The following ZNF787 variants were observed in gnomAD, a reference collection of about 807,000 sequenced individuals.
ZNF787 encodes zinc finger protein 787.
In ZNF787, 7 loss-of-function variants were observed where a neutral mutation model predicts 16.9. That is an observed-to-expected ratio of 0.42 (90% confidence interval 0.24 to 0.78). The LOEUF is 0.78. Among genes scored for constraint, ZNF787 ranks in the 30% least tolerant of loss-of-function variants. The pLI is 0.30. For synonymous variants in ZNF787, 345 were observed against 270.9 expected (o/e 1.27, Z -2.69); for missense variants, 551 against 589.3 (o/e 0.94, Z 0.67).
At chr19:56,099,084 A>G (rs1288003354) in intron 2 of ZNF787, among the ~76,000 whole-genome samples, 1 of 152,108 alleles carries the variant, frequency 6.6e-6, no homozygotes, top group African/African-American at 2.4e-5. Flanking sequence ...GCTGCCCGAG[A>G]ACATATCAAG....
At chr19:56,097,501 C>T (rs1985914803) in intron 2 of ZNF787, among the ~76,000 whole-genome samples, 3 of 152,254 alleles carry the variant, frequency 2.0e-5, no homozygotes, top group Admixed American at 1.3e-4. Flanking sequence ...CTGCGGGCCT[C>T]AGCCCGGCAG....
At chr19:56,101,061 G>T (rs562471221) in intron 2 of ZNF787, among the ~76,000 whole-genome samples, 1 of 134,352 alleles carries the variant, frequency 7.4e-6, no homozygotes, top group African/African-American at 2.9e-5. Flanking sequence ...AGGGACGCAC[G>T]TAAGTGGGAC....
chr19:56,102,828 G>A, intron 2 of ZNF787: 1 of 692,430 alleles, frequency 1.4e-6, no homozygotes. Context: ...GGAGAGGAAG[G>A]GGGCACCCTC....
intron 1 of ZNF787, among the ~76,000 whole-genome samples, chr19:56,120,348 G>A (rs1456355736): frequency 1.3e-5 from 2 of 152,184 alleles, no homozygotes; most frequent in Non-Finnish European, 1.5e-5. Context: ...GGGGTGTCAG[G>A]AGGGCGGGGC....
chr19:56,118,452 G>C (rs751292078), intron 1 of ZNF787, among the ~76,000 whole-genome samples: 2 of 152,216 alleles, frequency 1.3e-5, no homozygotes, highest in African/African-American at 2.4e-5. Context: ...GGGCGGAAGG[G>C]GGCGGTTGTG....
At chr19:56,097,586 G>A (rs551869547) in intron 2 of ZNF787, among the ~76,000 whole-genome samples, 7 of 152,362 alleles carry the variant, frequency 4.6e-5, no homozygotes, top group Admixed American at 3.3e-4. Context: ...GGAAACACCC[G>A]CACGTGCTGC....
rs367690218 is a variant in ZNF787 at position 56,088,149 on chromosome 19, C to T, written c.1023G>A (p.Val341=). 1.3e-3 allele frequency: 1,964 copies of T among 1,555,426 alleles called. 11 individuals carry two copies. In the African/African-American group the frequency reaches 0.015, roughly 12 times the overall value. Residue 341 remains valine (V), a synonymous_variant, in exon 3 of 3, where the codon GTG becomes GTA. Transcript: ENST00000610935. The surrounding 1 kb of genome is among the most constrained non-coding windows in gnomAD (Gnocchi z 8.6). ...AGCTGCTGCAGACCGAGGGCGCGCC[C>T]ACCGCGTGGATCTTCTTGTGTCTCC... ...ALRRHKKIHA[V]GAPSVCSSCG...
intron 1 of ZNF787, among the ~76,000 whole-genome samples, chr19:56,107,472 G>T (rs979294219): frequency 4.4e-4 from 67 of 152,116 alleles, no homozygotes; most frequent in African/African-American, 1.5e-3. Flanking sequence ...AGGGTCACCG[G>T]GAGACACGGG....
intron 1 of ZNF787, among the ~76,000 whole-genome samples, chr19:56,107,730 G>T (rs941573555): frequency 6.6e-6 from 1 of 152,064 alleles, no homozygotes; most frequent in African/African-American, 2.4e-5. Context: ...GGGGAGGCTG[G>T]GGTGGGCCCT....
rs1985342736 is a variant in ZNF787, at chr19:56,087,793, AGGGCGGGCCAGGCTGAGG to A, written c.*212_*229del. ...CGGCTCGCAGGCCGATAACTTAGGAAGGGCGGGCCAGGCTGAGGGGGCAGAGTCTCGAGGCGGAGAAGT... is the reference window on the plus strand; with the variant it reads ...CGGCTCGCAGGCCGATAACTTAGGAAGGGCAGAGTCTCGAGGCGGAGAAGT... On this transcript the variant is annotated 3_prime_UTR_variant, in exon 3 of 3. Transcript: ENST00000610935. 1.6e-6 allele frequency: 1 copy of A among 614,420 alleles called. No homozygotes were observed. The highest frequency in any genetic ancestry group is 2.3e-6 in the Non-Finnish European group (1 of 435,988). 38.1% of individuals were successfully genotyped at this position (614,420 alleles called of 1,614,324 possible). A position where few individuals can be genotyped will look rare whatever the true frequency, so the allele number is the denominator to read the frequency against.
chr19:56,107,883 A>C (rs529096258), intron 1 of ZNF787, among the ~76,000 whole-genome samples: 1 of 144,782 alleles, frequency 6.9e-6, no homozygotes, highest in Non-Finnish European at 1.5e-5. Context: ...CGGAAGAGAG[A>C]GCTTGAAGGC....
rs554646569 is a variant in ZNF787, at chr19:56,096,032, G to A, written c.80-6940C>T. Among the ~76,000 whole-genome samples, 9 of 152,226 alleles carry A rather than the reference G, an allele frequency of 5.9e-5. No individual in the cohort carries two copies. The South Asian group carries it at 1.5e-3, about 25-fold the overall frequency. ...TTGAGTTTTGCTACCTGGTTGCCGTGTTTTTATGCAGGGATACAGGAGATT... is the reference window on the plus strand; with the variant it reads ...TTGAGTTTTGCTACCTGGTTGCCGTATTTTTATGCAGGGATACAGGAGATT... On this transcript the variant is annotated intron_variant, in intron 2 of 2. Transcript: ENST00000610935.
At chr19:56,109,665 G>A (rs928243612) in intron 1 of ZNF787, among the ~76,000 whole-genome samples, 26 of 151,960 alleles carry the variant, frequency 1.7e-4, no homozygotes, top group African/African-American at 6.3e-4. Context: ...AGGCCGAGGC[G>A]GGTGGATCAC....
At chr19:56,100,955 T>C (rs1371032508) in intron 2 of ZNF787, among the ~76,000 whole-genome samples, 2 of 124,308 alleles carry the variant, frequency 1.6e-5, no homozygotes, top group African/African-American at 6.4e-5. Context: ...CACTGTCACA[T>C]AGGAGGGACG....
At position 56,088,405 on chromosome 19, in the gene ZNF787, G is replaced by A; in HGVS notation, c.767C>T (p.Ala256Val). 2 of 1,110,146 alleles carry A rather than the reference G, an allele frequency of 1.8e-6. No homozygotes were observed. Among genetic ancestry groups the A allele is most frequent in the Non-Finnish European group, 2.2e-6 (2 of 911,388 alleles). The allele number at this position is 1,110,146 out of a possible 1,614,324, so 68.8% of individuals were successfully genotyped here. A position where few individuals can be genotyped will look rare whatever the true frequency, so the allele number is the denominator to read the frequency against. The change falls in exon 3 of 3, where the codon GCG becomes GTG. Residue 256 changes from alanine to valine, a missense_variant. Physicochemically the swap from Ala to Val is moderately conservative, Grantham distance 64. This residue lies in a region of ZNF787 where 392 missense variants were observed against 312.7 expected (regional missense o/e 1.25). Coordinates refer to ENST00000610935, the MANE Select transcript of ZNF787 (RefSeq NM_001002836.4). This position sits in a 1 kb window ranked among gnomAD's most constrained non-coding sequence, Gnocchi z 8.6. ...TGCCCCCGCGCCCGCCATGGCTGCC[G>A]CGGCCGCGGCCCCCTCGCCCGGCGC... ...VGAPGEGAAA[A>V]AAMAGAGAKA...
At chr19:56,097,534 C>T (rs1568526479) in intron 2 of ZNF787, among the ~76,000 whole-genome samples, 3 of 152,334 alleles carry the variant, frequency 2.0e-5, no homozygotes, top group African/African-American at 4.8e-5. Context: ...ACTGCGTGGA[C>T]GGCGGCCAGC....
At chr19:56,110,664 A>G (rs891475237) in intron 1 of ZNF787, among the ~76,000 whole-genome samples, 1 of 152,212 alleles carries the variant, frequency 6.6e-6, no homozygotes, top group Non-Finnish European at 1.5e-5. Context: ...GTGAAACTCT[A>G]TCACATAACT....
Position 56,088,995 on chromosome 19 carries a change from CCGGGGA to C in ZNF787, c.171_176del (p.Arg61_Pro62del), listed in dbSNP as rs2123386764. ...AGATGTAGGGGGCGGGCGGCCGCGG[CCGGGGA>C]GGCGGGCCGGCTGGGGGCGCAGACT... is the stretch of plus-strand genomic sequence containing the variant. On this transcript the variant is annotated inframe_deletion, in exon 3 of 3. Coordinates refer to ENST00000610935, the MANE Select transcript of ZNF787 (RefSeq NM_001002836.4). The surrounding 1 kb of genome is among the most constrained non-coding windows in gnomAD (Gnocchi z 8.6). 2.7e-6 allele frequency: 4 copies of C among 1,494,668 alleles called. No individual in the cohort carries two copies. Among genetic ancestry groups the C allele is most frequent in the Non-Finnish European group, 3.6e-6 (4 of 1,124,448 alleles). The allele number at this position is 1,494,668 out of a possible 1,614,324, so 92.6% of individuals were successfully genotyped here.
rs543989293 is a variant in ZNF787, at chr19:56,115,354, C to CTT, written c.-11+5816_-11+5817dup. On this transcript the variant is annotated intron_variant, in intron 1 of 2. Transcript: ENST00000610935. ...CGGCCGCGGCACGTTGATTTCGCTGCTTTTTTTTTTTTTTTTTTTTTTGAG... is the reference window on the plus strand; with the variant it reads ...CGGCCGCGGCACGTTGATTTCGCTGCTTTTTTTTTTTTTTTTTTTTTTTTGAG... Among the ~76,000 whole-genome samples the CTT allele has an allele frequency of 3.1e-3, 355 of 113,088 alleles. 6 individuals carry two copies. The highest frequency in any genetic ancestry group is 5.4e-3 in the Middle Eastern group (1 of 184). 74.2% of individuals were successfully genotyped at this position (113,088 alleles called of 152,430 possible).
Sources: allele counts gnomAD v4.1 joint callset (sites outside exome capture counted in the v4.1 genomes callset), GRCh38; gene constraint gnomAD v4.1.1; regional missense constraint gnomAD v4.1.1; non-coding constraint Gnocchi (gnomAD v3.1); transcripts MANE v1.5; gene names NCBI Gene and HGNC (gene_info 2026-07-23, HGNC 2026-07-21).